Variants in STIP1 observed in about 807,000 individuals in gnomAD.
STIP1 encodes stress-induced-phosphoprotein 1.
Under a neutral mutation model 77.4 loss-of-function variants are expected in STIP1, and 16 were observed. The ratio of observed to expected loss-of-function variants is 0.21; its 90% CI spans 0.14 to 0.31. The LOEUF (loss-of-function observed/expected upper bound fraction) is 0.31, where lower values mean the gene tolerates loss of function less well. Ranked by LOEUF, STIP1 falls within the 10% of genes least tolerant of loss-of-function variation. STIP1 has a pLI of 1.00. For missense variants in STIP1, 524 were observed against 684.8 expected (o/e 0.77, Z 2.62); for synonymous variants, 258 against 246.6 (o/e 1.05, Z -0.44).
Position 64,195,754 on chromosome 11 carries a change from C to T in STIP1, c.613C>T (p.Pro205Ser). ...EIATPPPPPP[P>S]KKETKPEPME... The stretch of plus-strand genomic sequence containing the variant: ...TGCAACACCTCCACCACCACCCCCT[C>T]CCAAAAAGGAGACCAAGCCAGAGCC... Residue 205 changes from proline to serine, a missense_variant, in exon 5 of 14, where the codon CCC becomes TCC. Pro to Ser is a moderately conservative substitution (Grantham distance 74, BLOSUM62 -1). Transcript: ENST00000305218. The T allele has an allele frequency of 3.7e-6, 6 of 1,614,160 alleles. No individual in the cohort carries two copies. The highest frequency in any genetic ancestry group is 4.2e-6 in the Non-Finnish European group (5 of 1,180,030).
chr11:64,194,045 C>T, intron 2 of STIP1, 144 bp from the exon 3 acceptor site: 1 of 1,164,488 alleles, frequency 8.6e-7, no homozygotes, highest in Non-Finnish European at 1.2e-6. Flanking sequence ...GGCCTCGTAG[C>T]CTACTCCTCT....
At chr11:64,188,365 G>A (rs1338307000) in intron 1 of STIP1, among the ~76,000 whole-genome samples, 5 of 147,384 alleles carry the variant, frequency 3.4e-5, no homozygotes. Context: ...AAAAAGAAAA[G>A]AAACGATTTC....
At chr11:64,198,268 A>G (rs77261827) in intron 8 of STIP1, among the ~76,000 whole-genome samples, 5,762 of 151,762 alleles carry the variant, frequency 0.038, 367 homozygotes, top group African/African-American at 0.13. Context: ...GCTGGAGTGC[A>G]GTGGCATGGT....
At chr11:64,187,364 A>T (rs1308256171) in intron 1 of STIP1, among the ~76,000 whole-genome samples, 1 of 151,808 alleles carries the variant, frequency 6.6e-6, no homozygotes, top group African/African-American at 2.4e-5. Flanking sequence ...CCGGGCCCAT[A>T]ACACTTGGGG....
chr11:64,185,689 G>C (rs914235579), upstream of STIP1: 5 of 1,242,446 alleles, frequency 4.0e-6, no homozygotes, highest in Admixed American at 1.0e-4. Flanking sequence ...GACCCCGACT[G>C]CAGCCGGTAC....
At chr11:64,194,374 A>T in intron 3 of STIP1, 44 bp downstream of exon 3, 3 of 1,611,102 alleles carry the variant, frequency 1.9e-6, no homozygotes, top group Non-Finnish European at 2.5e-6. Flanking sequence ...TAATGTGATT[A>T]ATTTTGAGTC....
intron 5 of STIP1, 173 bp downstream of exon 5, chr11:64,195,986 C>G (rs888825961): frequency 1.8e-5 from 15 of 828,574 alleles, no homozygotes; most frequent in Non-Finnish European, 2.8e-5. Context: ...AAGCGATGCT[C>G]CTGCTTCAGC....
At chr11:64,196,395 CAA>C (rs57497154) in intron 5 of STIP1, among the ~76,000 whole-genome samples, 230 of 69,506 alleles carry the variant, frequency 3.3e-3, no homozygotes, top group Non-Finnish European at 4.3e-3. Context: ...GACTCCATCT[CAA>C]AAAAAAAAAA....
intron 5 of STIP1, among the ~76,000 whole-genome samples, chr11:64,196,288 C>T (rs887002642): frequency 4.1e-5 from 6 of 147,194 alleles, no homozygotes; most frequent in Non-Finnish European, 7.4e-5. Flanking sequence ...CCCAGCTACT[C>T]GGGAGGCTGA....
In STIP1 at chr11:64,203,483, G is replaced by A; in HGVS notation, c.1420G>A (p.Ala474Thr). The A allele has an allele frequency of 6.2e-7, 1 of 1,614,096 alleles. No individual in the cohort carries two copies. The highest frequency in any genetic ancestry group is 8.5e-7 in the Non-Finnish European group (1 of 1,180,032). Residue 474 changes from alanine (A) to threonine (T), a missense_variant, in exon 13 of 14, where the codon GCG becomes ACG. Coordinates refer to ENST00000305218, the MANE Select transcript of STIP1 (RefSeq NM_006819.3). ...AGACGGCTACCAGCGCTGTATGATG[G>A]CGCAGTACAACCGGCACGACAGCCC... Reference protein sequence around the residue: ...AADGYQRCMMAQYNRHDSPED... With the variant: ...AADGYQRCMMTQYNRHDSPED...
At chr11:64,185,645 C>T, upstream of STIP1, 1 of 814,190 alleles carries the variant, frequency 1.2e-6, no homozygotes, top group Non-Finnish European at 1.9e-6. Flanking sequence ...GAAAGCAACC[C>T]AGAGGCCCCG....
chr11:64,191,994 A>G (rs564906095), intron 1 of STIP1, among the ~76,000 whole-genome samples: 1 of 152,066 alleles, frequency 6.6e-6, no homozygotes, highest in East Asian at 1.9e-4. Flanking sequence ...TGGGGCGGCC[A>G]GGCAGAGCTG....
chr11:64,197,166 A>G, intron 5 of STIP1, 105 bp from the exon 6 acceptor site: 1 of 1,478,684 alleles, frequency 6.8e-7, no homozygotes, highest in East Asian at 2.3e-5. Flanking sequence ...ACTTGATAGA[A>G]TTCTATTCAT....
In STIP1 at chr11:64,186,222, G is replaced by T; in HGVS notation, c.-40G>T. 6.4e-7 allele frequency: 1 copy of T among 1,550,730 alleles called. No homozygotes were observed. The highest frequency in any genetic ancestry group is 1.2e-5 in the South Asian group (1 of 84,072). The stretch of plus-strand genomic sequence containing the variant: ...CGCGTGCGGTTGGGAACGCGGAGCG[G>T]ACGGATTCGATTCAACGGGGTTCCG... On this transcript the variant is annotated 5_prime_UTR_variant, in exon 1 of 14. Transcript: ENST00000305218.
intron 1 of STIP1, among the ~76,000 whole-genome samples, chr11:64,187,898 G>A (rs1052253580): frequency 6.6e-6 from 1 of 152,058 alleles, no homozygotes; most frequent in African/African-American, 2.4e-5. Flanking sequence ...CCAGCTACTC[G>A]GGAGGCTGAG....
At chr11:64,189,286 G>A (rs1158762706) in intron 1 of STIP1, among the ~76,000 whole-genome samples, 1 of 152,178 alleles carries the variant, frequency 6.6e-6, no homozygotes, top group Non-Finnish European at 1.5e-5. Context: ...GCTTGAACCC[G>A]GGAGGCGGAC....
chr11:64,202,822 T>C, intron 10 of STIP1, 54 bp from the exon 11 acceptor site: 3 of 1,610,414 alleles, frequency 1.9e-6, no homozygotes, highest in Non-Finnish European at 2.5e-6. Context: ...GAGTTGCCTG[T>C]ACTGAGCTTG....
intron 1 of STIP1, among the ~76,000 whole-genome samples, chr11:64,189,136 G>A (rs1246949996): frequency 6.6e-6 from 1 of 152,262 alleles, no homozygotes; most frequent in Non-Finnish European, 1.5e-5. Context: ...GTTGAGGCGG[G>A]TGGATCACGA....
At chr11:64,193,909 C>T (rs2134791616) in intron 2 of STIP1, among the ~76,000 whole-genome samples, 1 of 152,278 alleles carries the variant, frequency 6.6e-6, no homozygotes, top group South Asian at 2.1e-4. Context: ...ATAAGGAGTC[C>T]CTGTCTTTAC....
Sources: allele counts gnomAD v4.1 joint callset (sites outside exome capture counted in the v4.1 genomes callset), GRCh38; gene constraint gnomAD v4.1.1; transcripts MANE v1.5; gene names NCBI Gene and HGNC (gene_info 2026-07-23, HGNC 2026-07-21).